PDE7B: variants seen among roughly 807,000 people sequenced by gnomAD.
The protein encoded by PDE7B is phosphodiesterase 7B, also known as 3',5'-cyclic-AMP phosphodiesterase 7B.
PDE7B carries 29 observed loss-of-function variants against 56.2 expected under a neutral mutation model. That is an observed-to-expected ratio of 0.52 (90% CI 0.38 to 0.70). The LOEUF is 0.70. PDE7B is among the 30% of genes least tolerant of loss of function. The pLI, the probability that PDE7B is intolerant of heterozygous loss-of-function variation, is 0.00. For synonymous variants in PDE7B, 197 were observed against 196.9 expected (o/e 1.00, Z 0.00); for missense variants, 490 against 565.0 (o/e 0.87, Z 1.35).
chr6:136,114,743 C>T (rs1458996686), intron 3 of PDE7B: 1 of 152,252 alleles, frequency 6.6e-6, no homozygotes, highest in Non-Finnish European at 1.5e-5. Flanking sequence ...GAGGTGTCCG[C>T]TGGGACTTGT....
intron 3 of PDE7B, among the ~76,000 whole-genome samples, chr6:136,121,153 A>G (rs535613992): frequency 5.9e-5 from 9 of 152,152 alleles, no homozygotes; most frequent in East Asian, 5.8e-4. Flanking sequence ...GTCACTCATC[A>G]CCTGAAGCCA....
chr6:135,918,952 G>A (rs545088325), intron 1 of PDE7B, among the ~76,000 whole-genome samples: 2 of 152,166 alleles, frequency 1.3e-5, no homozygotes, highest in South Asian at 4.1e-4. Context: ...GCGGTATTAT[G>A]GGAAATTTTT....
At position 135,860,376 on chromosome 6, in the gene PDE7B, AC is replaced by A. The variant is rs1479880215; in HGVS notation, c.21+8360del. On this transcript the variant is annotated intron_variant, in intron 1 of 12. Coordinates refer to ENST00000308191, the MANE Select transcript of PDE7B (RefSeq NM_018945.4). ...ATGTCTGTTTTGAAAATGTTAATCT[AC>A]CCACTATATTTTTATACAAAAGTTC... 1.2e-4 allele frequency among the ~76,000 whole-genome samples: 18 copies of A among 152,156 alleles called. 1 individual carries two copies. The South Asian group carries it at 3.7e-3, about 32-fold the overall frequency.
At chr6:135,934,825 A>AATATATATATTTATTATATATATAT in intron 1 of PDE7B, among the ~76,000 whole-genome samples, 1 of 68,906 alleles carries the variant, frequency 1.5e-5, no homozygotes, top group South Asian at 4.8e-4. Flanking sequence ...TATATATTTA[A>AATATATATATTTATTATATATATAT]TAAATAAATA....
At chr6:136,099,794 T>G (rs1450445280) in intron 2 of PDE7B, among the ~76,000 whole-genome samples, 1 of 152,106 alleles carries the variant, frequency 6.6e-6, no homozygotes, top group South Asian at 2.1e-4. Context: ...CCCATTTGTG[T>G]ATTTTGGCTT....
intron 1 of PDE7B, among the ~76,000 whole-genome samples, chr6:135,910,863 A>G (rs1252314460): frequency 6.6e-6 from 1 of 152,160 alleles, no homozygotes; most frequent in Non-Finnish European, 1.5e-5. Flanking sequence ...TTATTTTATG[A>G]GAATATTAAT....
chr6:135,950,294 T>C (rs1425215285), intron 2 of PDE7B, among the ~76,000 whole-genome samples: 1 of 152,122 alleles, frequency 6.6e-6, no homozygotes. Context: ...GTCTAAGGTA[T>C]TAATTAGTTT....
intron 1 of PDE7B, among the ~76,000 whole-genome samples, chr6:135,887,349 T>C (rs1214592822): frequency 2.6e-5 from 4 of 152,148 alleles, no homozygotes; most frequent in Admixed American, 6.5e-5. Context: ...GCTGGAGATA[T>C]AACAATGAGT....
chr6:135,933,755 G>A (rs1214162348), intron 1 of PDE7B, among the ~76,000 whole-genome samples: 1 of 152,080 alleles, frequency 6.6e-6, no homozygotes, highest in Non-Finnish European at 1.5e-5. Context: ...AGTTTCACAG[G>A]CAGATTTACT....
At chr6:135,947,421 G>T in intron 1 of PDE7B, 43 bp from the exon 2 acceptor site, 1 of 1,430,118 alleles carries the variant, frequency 7.0e-7, no homozygotes. Flanking sequence ...TGGGAATCTT[G>T]ATATGAAATC....
At chr6:135,936,810 C>T (rs759142220) in intron 1 of PDE7B, among the ~76,000 whole-genome samples, 2 of 152,176 alleles carry the variant, frequency 1.3e-5, no homozygotes, top group African/African-American at 4.8e-5. Flanking sequence ...GCATTCTCAA[C>T]GCTCACTCTC....
intron 1 of PDE7B, among the ~76,000 whole-genome samples, chr6:135,895,770 T>G (rs1047928498): frequency 1.1e-4 from 17 of 152,112 alleles, no homozygotes; most frequent in African/African-American, 4.1e-4. Context: ...GCCAAGCCTT[T>G]AGCTTGAGTG....
chr6:136,151,705 G>A (rs1428584604), intron 6 of PDE7B, among the ~76,000 whole-genome samples: 2 of 62,386 alleles, frequency 3.2e-5, no homozygotes, highest in African/African-American at 1.5e-4. Flanking sequence ...ACTTTGGGAG[G>A]CGGGCGTATC....
chr6:136,186,901 T>TC (rs1361186749), intron 11 of PDE7B, 135 bp from the exon 12 acceptor site: 2 of 664,796 alleles, frequency 3.0e-6, no homozygotes, highest in Admixed American at 2.6e-5. Flanking sequence ...TGCTGAAGGG[T>TC]CCCTAAGGGA....
chr6:135,898,442 A>G (rs1038409027), intron 1 of PDE7B, among the ~76,000 whole-genome samples: 2 of 152,138 alleles, frequency 1.3e-5, no homozygotes, highest in African/African-American at 4.8e-5. Context: ...GTGACCTGTA[A>G]TCATGTCCCC....
At chr6:135,951,187 C>T (rs1303779762) in intron 2 of PDE7B, among the ~76,000 whole-genome samples, 2 of 152,112 alleles carry the variant, frequency 1.3e-5, no homozygotes, top group African/African-American at 4.8e-5. Flanking sequence ...GTGTGTAGAG[C>T]TTCTGCCTCC....
At chr6:136,008,756 T>G (rs910272748) in intron 2 of PDE7B, among the ~76,000 whole-genome samples, 2 of 152,176 alleles carry the variant, frequency 1.3e-5, no homozygotes, top group African/African-American at 4.8e-5. Context: ...ATGAGTAGAT[T>G]GCAAAAATTT....
intron 2 of PDE7B, among the ~76,000 whole-genome samples, chr6:136,047,741 T>C (rs1776539773): frequency 6.6e-6 from 1 of 152,228 alleles, no homozygotes; most frequent in Non-Finnish European, 1.5e-5. Flanking sequence ...ACTGGTTATT[T>C]ATTTAAGATA....
intron 2 of PDE7B, among the ~76,000 whole-genome samples, chr6:136,098,933 AC>A (rs34963834): frequency 6.0e-5 from 3 of 50,012 alleles, no homozygotes; most frequent in African/African-American, 2.4e-4. Flanking sequence ...CCAGCCCCCC[AC>A]CCCCCAACAG....
Sources: gnomAD v4.1 joint callset for allele counts (sites outside exome capture counted in the v4.1 genomes callset) on GRCh38, gnomAD v4.1.1 for gene constraint, MANE v1.5 for transcripts, NCBI Gene and HGNC (gene_info 2026-07-23, HGNC 2026-07-21) for gene names.